CCDC92: variants seen among roughly 807,000 people sequenced by gnomAD.
CCDC92 encodes coiled-coil domain-containing protein 92.
In CCDC92, 12 loss-of-function variants were observed where a neutral mutation model predicts 24.9. The ratio of observed to expected loss-of-function variants is 0.48; its 90% CI spans 0.31 to 0.78. The LOEUF is 0.78. CCDC92 is among the 30% of genes least tolerant of loss of function. CCDC92 has a pLI of 0.05. For missense variants in CCDC92, 399 were observed against 439.4 expected, an observed-to-expected ratio of 0.91 and a Z score of 0.82; for synonymous variants, 193 against 196.3, an observed-to-expected ratio of 0.98 and a Z score of 0.14.
chr12:123,937,204 G>A lies in CCDC92; in HGVS notation c.850C>T (p.Pro284Ser), dbSNP rs1432720974. 18 of 1,609,610 alleles carry A rather than the reference G, an allele frequency of 1.1e-5. No individual in the cohort carries two copies. The highest frequency in any genetic ancestry group is 1.5e-5 in the Non-Finnish European group (18 of 1,179,460). The change falls in exon 5 of 5, where the codon CCG becomes TCG. Residue 284 changes from proline (P) to serine (S), a missense_variant. By Grantham distance (74) the Pro-to-Ser change is moderately conservative. Coordinates refer to ENST00000238156, the MANE Select transcript of CCDC92 (RefSeq NM_025140.3). This position sits in a 1 kb window ranked among gnomAD's most constrained non-coding sequence, Gnocchi z 8.4. ...GCCACCCCGACGTGGGCCTTGTGCGGCTTTTCGCGGGCCGGGCTGTGCTGC... is the reference window on the plus strand; with the variant it reads ...GCCACCCCGACGTGGGCCTTGTGCGACTTTTCGCGGGCCGGGCTGTGCTGC... ...GEQHSPAREK[P>S]HKAHVGVAHR...
chr12:123,963,702 AG>A (rs1956327255), intron 1 of CCDC92, among the ~76,000 whole-genome samples: 1 of 152,224 alleles, frequency 6.6e-6, no homozygotes, highest in South Asian at 2.1e-4. Context: ...GGAATGCAAT[AG>A]GGACTCCAGT....
chr12:123,949,045 C>G (rs1955956184), intron 1 of CCDC92, among the ~76,000 whole-genome samples: 1 of 152,110 alleles, frequency 6.6e-6, no homozygotes, highest in African/African-American at 2.4e-5. Context: ...AGGCTTAATT[C>G]AGTATCAGAG....
Position 123,937,160 on chromosome 12 carries a change from G to A in CCDC92, c.894C>T (p.Ala298=). The A allele has an allele frequency of 6.2e-7, 1 of 1,611,142 alleles. No homozygotes were observed. Among genetic ancestry groups the A allele is most frequent in the Non-Finnish European group, 8.5e-7 (1 of 1,179,842 alleles). The change falls in exon 5 of 5, where the codon GCC becomes GCT. Residue 298 remains alanine (A), a synonymous_variant. Transcript: ENST00000238156. The surrounding 1 kb of genome is among the most constrained non-coding windows in gnomAD (Gnocchi z 8.4). ...HVGVAHRIHH[A]TPPQAQPEVK... ...CCTCGGGCTGGGCCTGCGGCGGGGT[G>A]GCGTGGTGGATCCGATGTGCCACCC...
chr12:123,955,359 T>C (rs1434950816), intron 1 of CCDC92, among the ~76,000 whole-genome samples: 1 of 152,268 alleles, frequency 6.6e-6, no homozygotes, highest in Non-Finnish European at 1.5e-5. Context: ...AATTGTCTAC[T>C]AGTTGATAAC....
chr12:123,962,068 C>T (rs893358389), intron 1 of CCDC92, among the ~76,000 whole-genome samples: 4 of 152,146 alleles, frequency 2.6e-5, no homozygotes, highest in East Asian at 1.9e-4. Flanking sequence ...TTTCTTTCCC[C>T]GTATTTTAAG....
intron 1 of CCDC92, among the ~76,000 whole-genome samples, chr12:123,958,933 A>T (rs1956211849): frequency 6.6e-6 from 1 of 152,206 alleles, no homozygotes; most frequent in Non-Finnish European, 1.5e-5. Flanking sequence ...GCATTCAATG[A>T]CAAGATTTTC....
rs750417728 is a variant in CCDC92, at chr12:123,937,281, A to T, written c.773T>A (p.Ile258Asn). The change falls in exon 5 of 5, where the codon ATC (isoleucine) becomes AAC (asparagine). Residue 258 changes from isoleucine to asparagine, a missense_variant. Transcript: ENST00000238156. This position sits in a 1 kb window ranked among gnomAD's most constrained non-coding sequence, Gnocchi z 8.4. ...GGGGATGACGAGGGGCCTCTCTTTG[A>T]TGAGGTGGACCTCGGCGGACTCCCT... ...LARESAEVHL[I>N]KERPLVIPPI... 1 of 1,612,748 alleles carries T rather than the reference A, an allele frequency of 6.2e-7. No individual in the cohort carries two copies. The highest frequency in any genetic ancestry group is 8.5e-7 in the Non-Finnish European group (1 of 1,179,972).
chr12:123,969,895 G>A (rs1186413992), intron 1 of CCDC92: 4 of 152,034 alleles, frequency 2.6e-5, no homozygotes, highest in African/African-American at 9.7e-5. Flanking sequence ...CTAGAAAAGG[G>A]TAATTTTCCT....
chr12:123,970,834 A>ATT (rs1389442891), intron 1 of CCDC92, among the ~76,000 whole-genome samples: 1 of 152,236 alleles, frequency 6.6e-6, no homozygotes, highest in Non-Finnish European at 1.5e-5. Context: ...TAACATAAGT[A>ATT]TTTTTTAAAA....
intron 3 of CCDC92, among the ~76,000 whole-genome samples, chr12:123,943,017 C>G (rs1189168728): frequency 1.3e-5 from 2 of 152,200 alleles, no homozygotes; most frequent in African/African-American, 4.8e-5. Context: ...CCCATTCCCC[C>G]ACAGCATATC....
intron 2 of CCDC92, 93 bp downstream of exon 2, chr12:123,944,179 G>A: frequency 1.2e-6 from 1 of 802,256 alleles, no homozygotes; most frequent in African/African-American, 1.7e-5. Flanking sequence ...GGGCCAGGGG[G>A]TGGTGCAGGT....
chr12:123,946,023 T>TA (rs1955851597), intron 1 of CCDC92: 2 of 157,824 alleles, frequency 1.3e-5, no homozygotes, highest in African/African-American at 2.4e-5. Context: ...CTTGCTGGCA[T>TA]CCTGCTTTGA....
At chr12:123,957,693 T>A (rs955507819) in intron 1 of CCDC92, among the ~76,000 whole-genome samples, 1 of 142,204 alleles carries the variant, frequency 7.0e-6, no homozygotes, top group Non-Finnish European at 1.5e-5. Flanking sequence ...TTCTTTTTTT[T>A]TCCTTCTTTT....
chr12:123,962,275 TTC>T (rs1016273041), intron 1 of CCDC92, among the ~76,000 whole-genome samples: 47 of 152,256 alleles, frequency 3.1e-4, no homozygotes, highest in African/African-American at 1.1e-3. Flanking sequence ...TACTCTGCTA[TTC>T]TGTGTGGAAA....
chr12:123,939,331 A>ACTC (rs1485900382), intron 4 of CCDC92, among the ~76,000 whole-genome samples: 1 of 151,958 alleles, frequency 6.6e-6, no homozygotes, highest in Non-Finnish European at 1.5e-5. Flanking sequence ...CCGCCGCCAG[A>ACTC]CTCTGAGCTT....
rs371993242 is a variant in CCDC92, at chr12:123,937,173, C to T, written c.881G>A (p.Arg294Gln). 1.1e-5 allele frequency: 18 copies of T among 1,610,106 alleles called. No individual in the cohort carries two copies. Among genetic ancestry groups the T allele is most frequent in the Non-Finnish European group, 1.5e-5 (18 of 1,179,706 alleles). ...CTGCGGCGGGGTGGCGTGGTGGATC[C>T]GATGTGCCACCCCGACGTGGGCCTT... ...PHKAHVGVAH[R>Q]IHHATPPQAQ... The change falls in exon 5 of 5, where the codon CGG (arginine) becomes CAG (glutamine). Residue 294 changes from arginine to glutamine, a missense_variant. Transcript: ENST00000238156. This position sits in a 1 kb window ranked among gnomAD's most constrained non-coding sequence, Gnocchi z 8.4.
At chr12:123,949,619 G>C (rs1477626452) in intron 1 of CCDC92, among the ~76,000 whole-genome samples, 4 of 152,240 alleles carry the variant, frequency 2.6e-5, no homozygotes, top group Admixed American at 1.3e-4. Flanking sequence ...AGGTTACCTT[G>C]ATCAGGGCTC....
intron 1 of CCDC92, among the ~76,000 whole-genome samples, chr12:123,958,501 T>C (rs1423766316): frequency 6.6e-6 from 1 of 152,248 alleles, no homozygotes; most frequent in Non-Finnish European, 1.5e-5. Context: ...GCTCTCCAAT[T>C]TCAAACTCAG....
chr12:123,944,382 G>C lies in CCDC92; in HGVS notation c.-59-18C>G. On this transcript the variant is annotated intron_variant, in intron 1 of 4. Transcript: ENST00000238156. Reference sequence around the variant, plus strand: ...GAAAAATACTGAGGATGAAATGTGAGTTATTTGCTTATAAATTATTATTGT... The same window carrying C: ...GAAAAATACTGAGGATGAAATGTGACTTATTTGCTTATAAATTATTATTGT... The C allele has an allele frequency of 1.6e-6, 2 of 1,263,704 alleles. No individual in the cohort carries two copies. Among genetic ancestry groups the C allele is most frequent in the Admixed American group, 2.9e-5 (1 of 34,954 alleles). 78.3% of individuals were successfully genotyped at this position (1,263,704 alleles called of 1,614,324 possible). A position where few individuals can be genotyped will look rare whatever the true frequency, so the allele number is the denominator to read the frequency against.
Sources: allele counts gnomAD v4.1 joint callset (sites outside exome capture counted in the v4.1 genomes callset), GRCh38; gene constraint gnomAD v4.1.1; non-coding constraint Gnocchi (gnomAD v3.1); transcripts MANE v1.5; gene names NCBI Gene and HGNC (gene_info 2026-07-23, HGNC 2026-07-21).